RANBP2: variants seen among roughly 807,000 people sequenced by gnomAD.
The protein encoded by RANBP2 is RAN binding protein 2.
A neutral mutation model predicts 303.6 loss-of-function variants in RANBP2; 57 were observed. The observed-to-expected ratio is 0.19, with a 90% CI of 0.15 to 0.23. The LOEUF is 0.23. Among genes scored for constraint, RANBP2 ranks in the 10% least tolerant of loss-of-function variants. The probability of loss-of-function intolerance (pLI) is 1.00; values close to 1 mark genes in which losing one functional copy is unlikely to be tolerated. For missense variants in RANBP2, 3,138 were observed against 3,780.8 expected, an observed-to-expected ratio of 0.83 and a Z score of 4.46; for synonymous variants, 1,167 against 1,301.5, an observed-to-expected ratio of 0.90 and a Z score of 2.23.
At chr2:109,523,891 T>G in the RANBP2 span, among the ~76,000 whole-genome samples, 1 of 152,216 alleles carries the variant, frequency 6.6e-6, no homozygotes, top group Non-Finnish European at 1.5e-5. Context: ...GGGCCATGCT[T>G]GTCTGCTCTG....
At chr2:109,118,852 C>T in the RANBP2 span, among the ~76,000 whole-genome samples, 2 of 152,136 alleles carry the variant, frequency 1.3e-5, no homozygotes, top group African/African-American at 4.8e-5. Flanking sequence ...CGTGGGATCC[C>T]ATAATAAACC....
the RANBP2 span, among the ~76,000 whole-genome samples, chr2:109,481,860 A>T: frequency 6.6e-6 from 1 of 152,194 alleles, no homozygotes; most frequent in East Asian, 1.9e-4. Flanking sequence ...CACAAGGTTG[A>T]TGAGCAATTG....
the RANBP2 span, among the ~76,000 whole-genome samples, chr2:109,673,422 C>A: frequency 6.6e-6 from 1 of 152,170 alleles, no homozygotes; most frequent in East Asian, 1.9e-4. Flanking sequence ...TTGGGAGAAA[C>A]CTCTGTTTTT....
chr2:108,876,195 C>T, the RANBP2 span: 1 of 1,613,434 alleles, frequency 6.2e-7, no homozygotes, highest in African/African-American at 1.3e-5. Flanking sequence ...CTAAATTCAA[C>T]TCTGTTCAAT....
chr2:109,215,658 C>T, the RANBP2 span, among the ~76,000 whole-genome samples: 1 of 152,112 alleles, frequency 6.6e-6, no homozygotes, highest in African/African-American at 2.4e-5. Flanking sequence ...CTCTCACCTA[C>T]GATTTTACTG....
chr2:109,077,997 T>G, the RANBP2 span, among the ~76,000 whole-genome samples: 9 of 144,656 alleles, frequency 6.2e-5, 1 homozygote, highest in Non-Finnish European at 9.2e-5. Flanking sequence ...CTTGAAGAGA[T>G]ATTTGCACTC....
chr2:109,031,339 G>A, the RANBP2 span, among the ~76,000 whole-genome samples: 1 of 152,186 alleles, frequency 6.6e-6, no homozygotes, highest in African/African-American at 2.4e-5. Context: ...GTAGAGACGG[G>A]AACGCTCTGC....
chr2:109,245,050 C>T, the RANBP2 span, among the ~76,000 whole-genome samples: 1 of 152,144 alleles, frequency 6.6e-6, no homozygotes, highest in Non-Finnish European at 1.5e-5. Context: ...GTCCTGTTGT[C>T]TGGGCAGCCT....
chr2:108,775,989 G>C (rs1440213513), intron 24 of RANBP2, 53 bp downstream of exon 24: 2 of 1,466,060 alleles, frequency 1.4e-6, no homozygotes, highest in South Asian at 1.2e-5. Context: ...CCTTATATTT[G>C]AGAAGATAGA....
chr2:109,015,185 T>C, the RANBP2 span, among the ~76,000 whole-genome samples: 1 of 134,018 alleles, frequency 7.5e-6, no homozygotes, highest in African/African-American at 2.7e-5. Context: ...CAGAGAGTTG[T>C]GGTGGGAACA....
At chr2:108,786,950 C>T (rs1191519444), downstream of RANBP2, 3 of 1,426,444 alleles carry the variant, frequency 2.1e-6, no homozygotes, top group Non-Finnish European at 1.9e-6. Context: ...GGGTGGGCTC[C>T]TGCTGCTGGG....
the RANBP2 span, among the ~76,000 whole-genome samples, chr2:109,248,757 T>C: frequency 6.6e-6 from 1 of 151,118 alleles, no homozygotes; most frequent in African/African-American, 2.4e-5. Flanking sequence ...TCCTTCCTTC[T>C]CTCTCTCTCT....
the RANBP2 span, among the ~76,000 whole-genome samples, chr2:109,210,711 C>T: frequency 2.6e-5 from 4 of 152,104 alleles, no homozygotes; most frequent in African/African-American, 4.8e-5. Flanking sequence ...GGTTTTCCTC[C>T]CGGGGTTCTC....
At chr2:109,362,487 GGT>G in the RANBP2 span, among the ~76,000 whole-genome samples, 12 of 152,148 alleles carry the variant, frequency 7.9e-5, no homozygotes, top group African/African-American at 2.2e-4. Flanking sequence ...ACCAGAATAT[GGT>G]CTGTCCTGGT....
chr2:108,867,728 A>G, the RANBP2 span, among the ~76,000 whole-genome samples: 1 of 152,126 alleles, frequency 6.6e-6, no homozygotes, highest in African/African-American at 2.4e-5. Flanking sequence ...TTGTTTTTAA[A>G]TATTTCTTTA....
the RANBP2 span, among the ~76,000 whole-genome samples, chr2:108,987,830 T>A: frequency 6.6e-6 from 1 of 152,230 alleles, no homozygotes; most frequent in Non-Finnish European, 1.5e-5. Context: ...CTCTTTTTGG[T>A]GGCCTCTGTC....
chr2:109,391,398 C>T, the RANBP2 span, among the ~76,000 whole-genome samples: 5 of 152,200 alleles, frequency 3.3e-5, no homozygotes, highest in African/African-American at 1.2e-4. Context: ...GGATGCAGGT[C>T]ACCCACAGGC....
the RANBP2 span, among the ~76,000 whole-genome samples, chr2:108,891,073 T>C: frequency 6.6e-6 from 1 of 152,310 alleles, no homozygotes; most frequent in East Asian, 1.9e-4. Context: ...ATATTGTTTT[T>C]CTGATTTCTT....
chr2:108,754,833 T>C (rs1676172441), intron 15 of RANBP2, 72 bp from the exon 16 acceptor site: 1 of 1,600,700 alleles, frequency 6.2e-7, no homozygotes, highest in South Asian at 1.1e-5. Context: ...AGATAAAATA[T>C]ATCATTTTAG....
Sources: allele counts gnomAD v4.1 joint callset (sites outside exome capture counted in the v4.1 genomes callset), GRCh38; gene constraint gnomAD v4.1.1; transcripts MANE v1.5; gene names NCBI Gene and HGNC (gene_info 2026-07-23, HGNC 2026-07-21).